Variants in SEPTIN11 observed in about 807,000 individuals in gnomAD.
SEPTIN11 encodes the protein septin 11, also known as septin-11.
A neutral mutation model predicts 51.4 loss-of-function variants in SEPTIN11; 25 were observed. The observed-to-expected ratio is 0.49, with a 90% CI of 0.35 to 0.68. The LOEUF (loss-of-function observed/expected upper bound fraction) is 0.68, where lower values mean the gene tolerates loss of function less well. Ranked by LOEUF, SEPTIN11 falls within the 30% of genes least tolerant of loss-of-function variation. The pLI is 0.00. For missense variants in SEPTIN11, 381 were observed against 520.8 expected (o/e 0.73, Z 2.61); for synonymous variants, 174 against 184.1 (o/e 0.95, Z 0.44).
In SEPTIN11 at chr4:76,949,910, G is replaced by A. The variant is rs1387288530; in HGVS notation, c.7G>A (p.Val3Met). MA[V>M]AVGRPSNEEL... ...AGCCGGTGCCGCAGCTGCGATGGCC[G>A]TGGCCGTGGGGAGACCGTCTGTGAG... Residue 3 changes from valine to methionine, a missense_variant, in exon 1 of 10, where the codon GTG becomes ATG. By Grantham distance (21) the Val-to-Met change is conservative. Coordinates refer to ENST00000264893, the MANE Select transcript of SEPTIN11 (RefSeq NM_018243.4). The A allele has an allele frequency of 1.3e-6, 2 of 1,531,036 alleles. No homozygotes were observed. Among genetic ancestry groups the A allele is most frequent in the Admixed American group, 3.9e-5 (2 of 51,040 alleles). 94.8% of individuals were successfully genotyped at this position (1,531,036 alleles called of 1,614,324 possible). A position where few individuals can be genotyped will look rare whatever the true frequency, so the allele number is the denominator to read the frequency against.
At chr4:76,992,116 G>A (rs1220617828) in intron 1 of SEPTIN11, among the ~76,000 whole-genome samples, 5 of 152,102 alleles carry the variant, frequency 3.3e-5, no homozygotes, top group African/African-American at 4.8e-5. Context: ...GTTCTGTGTT[G>A]GCACTTTCTT....
chr4:76,988,927 T>G (rs1723192577), intron 1 of SEPTIN11, among the ~76,000 whole-genome samples: 1 of 152,248 alleles, frequency 6.6e-6, no homozygotes, highest in Admixed American at 6.5e-5. Context: ...CTCCCTTTCA[T>G]GGGTCAATTA....
intron 1 of SEPTIN11, among the ~76,000 whole-genome samples, chr4:76,966,962 C>T (rs564083681): frequency 1.3e-5 from 2 of 152,048 alleles, no homozygotes; most frequent in Admixed American, 1.3e-4. Context: ...TTTGGGAGGC[C>T]GAGGTGGGCA....
chr4:77,018,186 TTTCGGA>T (rs1725430916), intron 5 of SEPTIN11, among the ~76,000 whole-genome samples: 2 of 149,806 alleles, frequency 1.3e-5, no homozygotes, highest in African/African-American at 5.1e-5. Context: ...ACGCCAGCAC[TTTCGGA>T]GTAATCCCAG....
intron 7 of SEPTIN11, among the ~76,000 whole-genome samples, chr4:77,023,340 TA>T (rs1217258191): frequency 4.7e-5 from 7 of 147,472 alleles, no homozygotes; most frequent in Non-Finnish European, 8.9e-5. Context: ...TTATATCATA[TA>T]TTACTAATAT....
intron 1 of SEPTIN11, among the ~76,000 whole-genome samples, chr4:76,950,500 C>T (rs1240505069): frequency 6.6e-6 from 1 of 152,252 alleles, no homozygotes; most frequent in East Asian, 1.9e-4. Flanking sequence ...CCCCAGATAA[C>T]ACACACAAAG....
chr4:76,973,819 C>T (rs1016808246), intron 1 of SEPTIN11, among the ~76,000 whole-genome samples: 6 of 152,140 alleles, frequency 3.9e-5, no homozygotes, highest in East Asian at 1.9e-4. Context: ...TTTTTATGCA[C>T]CTTAGACCAG....
intron 8 of SEPTIN11, among the ~76,000 whole-genome samples, chr4:77,029,727 A>G (rs192054580): frequency 2.6e-5 from 4 of 151,820 alleles, no homozygotes; most frequent in East Asian, 3.9e-4. Context: ...TTCCCAACAC[A>G]TTATTTAAGT....
chr4:77,009,420 A>G (rs897668256), intron 3 of SEPTIN11, among the ~76,000 whole-genome samples: 32 of 152,230 alleles, frequency 2.1e-4, no homozygotes, highest in African/African-American at 7.7e-4. Context: ...GTAGAGATTT[A>G]TGACTTGTCA....
Position 77,024,764 on chromosome 4 carries a change from C to T in SEPTIN11, c.954-3865C>T, listed in dbSNP as rs1725986083. 6.6e-6 allele frequency among the ~76,000 whole-genome samples: 1 copy of T among 152,202 alleles called. No homozygotes were observed. The highest frequency in any genetic ancestry group is 2.1e-4 in the South Asian group (1 of 4,828). ...TGGAGTTCTTATCTGAGCAAGGCAG[C>T]CTGGTCTCAGTCCTGGCTCTGTTAC... On this transcript the variant is annotated intron_variant, in intron 7 of 9. Coordinates refer to ENST00000264893, the MANE Select transcript of SEPTIN11 (RefSeq NM_018243.4). The surrounding 1 kb of genome is among the most constrained non-coding windows in gnomAD (Gnocchi z 4.2).
chr4:76,971,644 G>C (rs1013638681), intron 1 of SEPTIN11, among the ~76,000 whole-genome samples: 13 of 152,050 alleles, frequency 8.5e-5, no homozygotes, highest in African/African-American at 3.1e-4. Context: ...ATATTGAGGA[G>C]GTTGTTTTAG....
intron 2 of SEPTIN11, among the ~76,000 whole-genome samples, chr4:77,001,148 G>T (rs906005182): frequency 6.6e-6 from 1 of 152,098 alleles, no homozygotes; most frequent in Non-Finnish European, 1.5e-5. Flanking sequence ...TGTGATGTGG[G>T]CATCATGTTT....
chr4:76,990,371 C>T lies in SEPTIN11; in HGVS notation c.28-6054C>T, dbSNP rs572200222. On this transcript the variant is annotated intron_variant, in intron 1 of 9. Coordinates refer to ENST00000264893, the MANE Select transcript of SEPTIN11 (RefSeq NM_018243.4). ...AAAAGTTCTCCAAGTCTCCACTCGACCCAGGAAGGCCAGCTGGCTTCACGT... is the reference window on the plus strand; with the variant it reads ...AAAAGTTCTCCAAGTCTCCACTCGATCCAGGAAGGCCAGCTGGCTTCACGT... 1.1e-4 allele frequency among the ~76,000 whole-genome samples: 16 copies of T among 152,274 alleles called. No homozygotes were observed. In the East Asian group the frequency reaches 1.5e-3, roughly 15 times the overall value.
chr4:77,004,724 A>C (rs1264972720), intron 2 of SEPTIN11, among the ~76,000 whole-genome samples: 2 of 152,168 alleles, frequency 1.3e-5, no homozygotes, highest in African/African-American at 2.4e-5. Flanking sequence ...GCACTTTAGG[A>C]GGCTGAGGCA....
At chr4:76,990,159 C>T (rs548929950) in intron 1 of SEPTIN11, among the ~76,000 whole-genome samples, 2 of 152,226 alleles carry the variant, frequency 1.3e-5, no homozygotes, top group South Asian at 2.1e-4. Context: ...CAATCCTCCC[C>T]GCGATTGGCT....
chr4:76,960,195 GGTTTGACTTACGT>G (rs1721768520), intron 1 of SEPTIN11, among the ~76,000 whole-genome samples: 2 of 152,246 alleles, frequency 1.3e-5, no homozygotes, highest in South Asian at 4.1e-4. Context: ...TGAGGTGTTT[GGTTTGACTTACGT>G]GGGTAGGCAG....
chr4:76,989,999 A>T (rs1233228932), intron 1 of SEPTIN11, among the ~76,000 whole-genome samples: 1 of 152,098 alleles, frequency 6.6e-6, no homozygotes, highest in Non-Finnish European at 1.5e-5. Context: ...GCGCAGCGGC[A>T]AGATTTATTG....
chr4:76,971,991 A>G (rs7658960), intron 1 of SEPTIN11, among the ~76,000 whole-genome samples: 59,160 of 152,068 alleles, frequency 0.39, 11,788 homozygotes, highest in Non-Finnish European at 0.43. Context: ...TGGATCCACA[A>G]GATACCACAA....
rs1303663238 is a variant in SEPTIN11, at chr4:77,036,647, A to G, written c.*2135A>G. The G allele has an allele frequency of 4.7e-6, 7 of 1,493,622 alleles. No individual in the cohort carries two copies. The highest frequency in any genetic ancestry group is 6.2e-6 in the Non-Finnish European group (7 of 1,134,658). The allele number at this position is 1,493,622 out of a possible 1,614,324, so 92.5% of individuals were successfully genotyped here. On this transcript the variant is annotated 3_prime_UTR_variant, in exon 10 of 10. Transcript: ENST00000264893. Reference sequence around the variant, plus strand: ...ATAAAAAGTCAAAAGAAACAAATAGAAGCTTTTTTTTTTAAAAAATGTATT... The same window carrying G: ...ATAAAAAGTCAAAAGAAACAAATAGGAGCTTTTTTTTTTAAAAAATGTATT...
Sources: allele counts gnomAD v4.1 joint callset (sites outside exome capture counted in the v4.1 genomes callset), GRCh38; gene constraint gnomAD v4.1.1; non-coding constraint Gnocchi (gnomAD v3.1); transcripts MANE v1.5; gene names NCBI Gene and HGNC (gene_info 2026-07-23, HGNC 2026-07-21).